Variants in PACRG observed in about 807,000 individuals in gnomAD.
PACRG encodes the protein parkin coregulated gene protein.
PACRG carries 29 observed loss-of-function variants against 29.7 expected under a neutral mutation model. The observed-to-expected ratio is 0.98, with a 90% CI of 0.73 to 1.33. The LOEUF is 1.33. PACRG is among the 40% of genes most tolerant of loss of function. PACRG has a pLI of 0.00. For missense variants in PACRG, 279 were observed against 316.2 expected (o/e 0.88, Z 0.89); for synonymous variants, 116 against 118.7 (o/e 0.98, Z 0.15).
intron 4 of PACRG, among the ~76,000 whole-genome samples, chr6:163,271,870 A>G (rs150263274): frequency 2.0e-5 from 3 of 152,304 alleles, no homozygotes; most frequent in African/African-American, 7.2e-5. Context: ...TAGAATTGCT[A>G]TCTTTGTAAT....
At chr6:163,161,862 G>C (rs1038495340) in intron 4 of PACRG, among the ~76,000 whole-genome samples, 19 of 152,168 alleles carry the variant, frequency 1.2e-4, no homozygotes, top group African/African-American at 4.6e-4. Context: ...GCTGCTTGTC[G>C]AGTATTTAGA....
intron 4 of PACRG, among the ~76,000 whole-genome samples, chr6:163,139,006 C>T (rs6924563): frequency 0.2 from 29,891 of 152,208 alleles, 3,913 homozygotes; most frequent in African/African-American, 0.36. Flanking sequence ...CCATCCTACA[C>T]TGCCCATATT....
intron 4 of PACRG, among the ~76,000 whole-genome samples, chr6:163,254,828 G>A (rs915942517): frequency 2.6e-5 from 4 of 152,234 alleles, no homozygotes; most frequent in East Asian, 1.9e-4. Flanking sequence ...GCACCACTGG[G>A]CTTGGCCTGC....
Position 162,914,933 on chromosome 6 carries a change from T to C in PACRG, c.291+100652T>C, listed in dbSNP as rs569719390. Among the ~76,000 whole-genome samples the C allele has an allele frequency of 2.0e-5, 3 of 152,206 alleles. No homozygotes were observed. The South Asian group carries it at 6.2e-4, about 32-fold the overall frequency. On this transcript the variant is annotated intron_variant, in intron 2 of 4. Transcript: ENST00000366888. ...TATATTATTTCTAGTTGTAATTCTA[T>C]AGATTCCTTGAGATTTTTGTATAAA...
chr6:162,867,245 C>G (rs1792375949), intron 2 of PACRG, among the ~76,000 whole-genome samples: 1 of 152,214 alleles, frequency 6.6e-6, no homozygotes, highest in Non-Finnish European at 1.5e-5. Context: ...CACATACTAT[C>G]AGAAGCCTCA....
intron 4 of PACRG, among the ~76,000 whole-genome samples, chr6:163,299,847 C>A (rs1482499246): frequency 6.6e-6 from 1 of 152,194 alleles, no homozygotes; most frequent in African/African-American, 2.4e-5. Context: ...CCACTACACT[C>A]CAGCCTGGGC....
chr6:162,735,235 C>T (rs939095173), intron 1 of PACRG, among the ~76,000 whole-genome samples: 7 of 152,088 alleles, frequency 4.6e-5, no homozygotes, highest in Admixed American at 6.6e-5. Flanking sequence ...AAAGTATCTA[C>T]GCATGACCAA....
Position 163,122,376 on chromosome 6 carries a change from C to T in PACRG, c.613+32968C>T, listed in dbSNP as rs207467568. 9.3e-4 allele frequency among the ~76,000 whole-genome samples: 141 copies of T among 152,154 alleles called. 3 individuals carry two copies. The South Asian group carries it at 0.026, about 28-fold the overall frequency. On this transcript the variant is annotated intron_variant, in intron 4 of 4. Coordinates refer to ENST00000366888, the MANE Select transcript of PACRG (RefSeq NM_001080379.2). ...GTTGGTTTGTGTGACCCCTCCGAAT[C>T]GCTTGTTGAAATTTGATCCCCACTG...
At chr6:162,981,001 A>G (rs1186754409) in intron 2 of PACRG, among the ~76,000 whole-genome samples, 1 of 151,966 alleles carries the variant, frequency 6.6e-6, no homozygotes, top group Non-Finnish European at 1.5e-5. Context: ...AGCAGTGTCT[A>G]CTGTACCCAA....
intron 4 of PACRG, among the ~76,000 whole-genome samples, chr6:163,165,056 TA>T (rs1056285124): frequency 3.3e-5 from 5 of 151,166 alleles, no homozygotes; most frequent in East Asian, 1.9e-4. Flanking sequence ...TATGGGGGTT[TA>T]AAAAAAAATA....
chr6:163,072,691 T>C (rs1233483140), intron 3 of PACRG, among the ~76,000 whole-genome samples: 1 of 152,160 alleles, frequency 6.6e-6, no homozygotes, highest in Non-Finnish European at 1.5e-5. Context: ...GATGATATCA[T>C]CTTATATTTT....
intron 4 of PACRG, among the ~76,000 whole-genome samples, chr6:163,278,221 T>A (rs1784115162): frequency 6.6e-6 from 1 of 152,202 alleles, no homozygotes; most frequent in Non-Finnish European, 1.5e-5. Flanking sequence ...GAGTTCTTTG[T>A]AGATTCTGGA....
intron 2 of PACRG, among the ~76,000 whole-genome samples, chr6:163,012,163 C>G (rs927121525): frequency 6.6e-6 from 1 of 152,184 alleles, no homozygotes; most frequent in African/African-American, 2.4e-5. Flanking sequence ...ATTTGTTGTC[C>G]TAATTAACAT....
chr6:162,858,196 C>G (rs1791562500), intron 2 of PACRG, among the ~76,000 whole-genome samples: 1 of 152,172 alleles, frequency 6.6e-6, no homozygotes, highest in Admixed American at 6.5e-5. Flanking sequence ...AATTTACTCA[C>G]AGTTCCACAT....
Position 162,867,333 on chromosome 6 carries a change from A to G in PACRG, c.291+53052A>G, listed in dbSNP as rs6941049. The stretch of plus-strand genomic sequence containing the variant: ...TTTTATTCCAAACTCTTGCTGTGGG[A>G]CCTTCTTGGATATCTCTCCATCCCT... On this transcript the variant is annotated intron_variant, in intron 2 of 4. Transcript: ENST00000366888. 5.3e-3 allele frequency among the ~76,000 whole-genome samples: 802 copies of G among 151,896 alleles called. 8 individuals are homozygous for G. The highest frequency in any genetic ancestry group is 0.019 in the African/African-American group (778 of 41,386).
intron 4 of PACRG, among the ~76,000 whole-genome samples, chr6:163,177,676 C>A (rs1190449558): frequency 8.0e-6 from 1 of 125,116 alleles, no homozygotes; most frequent in Non-Finnish European, 1.6e-5. Flanking sequence ...GAAGGAGAGA[C>A]TAAAAGAGTG....
intron 2 of PACRG, among the ~76,000 whole-genome samples, chr6:162,966,477 A>ATTTTT (rs67914954): frequency 8.0e-6 from 1 of 125,202 alleles, no homozygotes; most frequent in African/African-American, 2.9e-5. Flanking sequence ...AATGACATGT[A>ATTTTT]TTTTTTTTTT....
chr6:163,287,764 G>A (rs1262021110), intron 4 of PACRG, among the ~76,000 whole-genome samples: 3 of 152,146 alleles, frequency 2.0e-5, no homozygotes, highest in Non-Finnish European at 4.4e-5. Flanking sequence ...ATTGAACGAG[G>A]AACCGGGGTA....
intron 2 of PACRG, among the ~76,000 whole-genome samples, chr6:162,885,073 C>T (rs752286869): frequency 1.3e-5 from 2 of 152,062 alleles, no homozygotes; most frequent in African/African-American, 2.4e-5. Flanking sequence ...AAAAAGCCAC[C>T]ATCGTCATAA....
Sources: gnomAD v4.1 joint callset for allele counts (sites outside exome capture counted in the v4.1 genomes callset) on GRCh38, gnomAD v4.1.1 for gene constraint, MANE v1.5 for transcripts, NCBI Gene and HGNC (gene_info 2026-07-23, HGNC 2026-07-21) for gene names.